MEMO1: variants seen among roughly 807,000 people sequenced by gnomAD.
MEMO1 encodes mediator of cell motility 1, also known as protein MEMO1.
In MEMO1, 6 loss-of-function variants were observed where a neutral mutation model predicts 45.2. The observed-to-expected ratio is 0.13, with a 90% CI of 0.07 to 0.26. MEMO1 has a LOEUF of 0.26. Ranked by LOEUF, MEMO1 falls within the 10% of genes least tolerant of loss-of-function variation. MEMO1 has a pLI of 1.00. For synonymous variants in MEMO1, 78 were observed against 124.3 expected, an observed-to-expected ratio of 0.63 and a Z score of 2.48; for missense variants, 184 against 370.5, an observed-to-expected ratio of 0.50 and a Z score of 4.13.
chr2:31,977,013 A>G (rs1670079165), intron 2 of MEMO1, among the ~76,000 whole-genome samples: 1 of 152,190 alleles, frequency 6.6e-6, no homozygotes, highest in Admixed American at 6.6e-5. Flanking sequence ...TAAATAAAAC[A>G]AGGTAGGATA....
At chr2:31,977,177 C>A (rs1670101423) in intron 2 of MEMO1, among the ~76,000 whole-genome samples, 1 of 152,008 alleles carries the variant, frequency 6.6e-6, no homozygotes, top group Non-Finnish European at 1.5e-5. Context: ...GTGGATATGA[C>A]AAATTCAGTT....
chr2:31,890,076 G>C (rs1460755178), intron 7 of MEMO1, among the ~76,000 whole-genome samples: 1 of 152,088 alleles, frequency 6.6e-6, no homozygotes, highest in Non-Finnish European at 1.5e-5. Flanking sequence ...AGCCACTGTA[G>C]TTACATATAG....
Position 31,893,756 on chromosome 2 carries a change from C to T in MEMO1, c.438-1622G>A, listed in dbSNP as rs115639157. 6.1e-3 allele frequency among the ~76,000 whole-genome samples: 921 copies of T among 152,210 alleles called. 12 individuals are homozygous for T. Among genetic ancestry groups the T allele is most frequent in the African/African-American group, 0.021 (861 of 41,544 alleles). On this transcript the variant is annotated intron_variant, in intron 6 of 9. Coordinates refer to ENST00000404530, the MANE Select transcript of MEMO1 (RefSeq NM_001301833.4). ...GAAGAACACTATAGGAAAGGTACTT[C>T]GTCACAAGAGTTGGCTCACTCTGAA...
chr2:31,982,658 G>A lies in MEMO1; in HGVS notation c.61+27529C>T, dbSNP rs552218465. 7.3e-5 allele frequency among the ~76,000 whole-genome samples: 11 copies of A among 150,692 alleles called. No homozygotes were observed. The South Asian group carries it at 2.3e-3, about 32-fold the overall frequency. ...CCAAAGTTACTTAACTTTGGGAAAT[G>A]ATGCTTTGATTAGAAATTGTAACGC... On this transcript the variant is annotated intron_variant, in intron 2 of 9. Coordinates refer to ENST00000404530, the MANE Select transcript of MEMO1 (RefSeq NM_001301833.4).
chr2:31,983,254 C>G (rs1420716104), intron 2 of MEMO1, among the ~76,000 whole-genome samples: 1 of 152,010 alleles, frequency 6.6e-6, no homozygotes, highest in South Asian at 2.1e-4. Flanking sequence ...GAGCAAGACT[C>G]TGCCTAAAAA....
intron 1 of MEMO1, 26 bp from the exon 2 acceptor site, chr2:32,010,290 A>C (rs1053048300): frequency 6.6e-5 from 89 of 1,345,970 alleles, no homozygotes; most frequent in African/African-American, 2.9e-4. Flanking sequence ...ATGAATGAGG[A>C]GGCGGCGGCG....
At chr2:31,981,546 C>T (rs1436903084) in intron 2 of MEMO1, among the ~76,000 whole-genome samples, 1 of 152,150 alleles carries the variant, frequency 6.6e-6, no homozygotes, top group Non-Finnish European at 1.5e-5. Context: ...ATTTATTAAT[C>T]CTATATTCAA....
chr2:31,948,316 T>C (rs945614279), intron 2 of MEMO1, among the ~76,000 whole-genome samples: 1 of 152,230 alleles, frequency 6.6e-6, no homozygotes, highest in Admixed American at 6.5e-5. Context: ...ATTTAAAGAA[T>C]GACCAACTGC....
At chr2:31,998,288 C>CA (rs1307619911) in intron 2 of MEMO1, among the ~76,000 whole-genome samples, 3 of 151,598 alleles carry the variant, frequency 2.0e-5, no homozygotes, top group Non-Finnish European at 4.4e-5. Context: ...GCTGGGATTA[C>CA]AGGCATGAGC....
At chr2:31,878,813 G>A (rs113004434) in intron 8 of MEMO1, among the ~76,000 whole-genome samples, 2 of 1,792 alleles carry the variant, frequency 1.1e-3, no homozygotes, top group Admixed American at 7.5e-3. Context: ...TTTTAATGAC[G>A]GGAAAATTTA....
At chr2:31,932,701 C>G (rs1247758527) in intron 3 of MEMO1, among the ~76,000 whole-genome samples, 2 of 152,136 alleles carry the variant, frequency 1.3e-5, no homozygotes, top group Admixed American at 6.5e-5. Flanking sequence ...TCAAAAAGCA[C>G]TGCAATTACA....
intron 6 of MEMO1, among the ~76,000 whole-genome samples, chr2:31,914,239 T>TATAGA (rs748374526): frequency 6.6e-6 from 1 of 152,182 alleles, no homozygotes; most frequent in Non-Finnish European, 1.5e-5. Context: ...CCCTACCAAA[T>TATAGA]TTCCAAACTA....
intron 4 of MEMO1, among the ~76,000 whole-genome samples, chr2:31,926,501 T>C (rs1256657395): frequency 6.6e-6 from 1 of 152,168 alleles, no homozygotes; most frequent in African/African-American, 2.4e-5. Flanking sequence ...GTAAGCTTGA[T>C]AGCCTCCAAA....
intron 4 of MEMO1, among the ~76,000 whole-genome samples, chr2:31,929,356 A>G (rs531207300): frequency 6.6e-6 from 1 of 151,948 alleles, no homozygotes; most frequent in South Asian, 2.1e-4. Context: ...CATCGCTTCC[A>G]CTGGTTACAT....
rs1679109462 is a variant in MEMO1 at position 31,903,088 on chromosome 2, TTAAA to T, written c.438-10958_438-10955del. ...TTAACAAATTTATGAAATATACAAA[TTAAA>T]TATTTACATATTTATGAAATATACA... On this transcript the variant is annotated intron_variant, in intron 6 of 9. Coordinates refer to ENST00000404530, the MANE Select transcript of MEMO1 (RefSeq NM_001301833.4). Among the ~76,000 whole-genome samples the T allele has an allele frequency of 5.9e-5, 9 of 152,280 alleles. No individual in the cohort carries two copies. In the South Asian group the frequency reaches 1.7e-3, roughly 28 times the overall value.
At chr2:31,950,091 T>C (rs758616716) in intron 2 of MEMO1, among the ~76,000 whole-genome samples, 1 of 152,174 alleles carries the variant, frequency 6.6e-6, no homozygotes, top group Non-Finnish European at 1.5e-5. Flanking sequence ...TGTTCAGACA[T>C]ATATTATTGC....
chr2:31,975,844 G>T lies in MEMO1; in HGVS notation c.62-32461C>A, dbSNP rs563944733. ...TCTCTTCAAGTGGCCCATAAATTAT[G>T]AATATGAAATTTTAATTCCAACTAA... On this transcript the variant is annotated intron_variant, in intron 2 of 9. Transcript: ENST00000404530. Among the ~76,000 whole-genome samples, 4 of 152,180 alleles carry T rather than the reference G, an allele frequency of 2.6e-5. 1 individual carries two copies. In the South Asian group the frequency reaches 8.3e-4, roughly 32 times the overall value.
chr2:31,940,049 A>G (rs1665423356), intron 3 of MEMO1, among the ~76,000 whole-genome samples: 1 of 152,012 alleles, frequency 6.6e-6, no homozygotes, highest in Non-Finnish European at 1.5e-5. Context: ...TTTTCCCCCG[A>G]CACATTTTTC....
At chr2:31,986,478 A>AAAT (rs914949889) in intron 2 of MEMO1, among the ~76,000 whole-genome samples, 3 of 152,136 alleles carry the variant, frequency 2.0e-5, no homozygotes, top group Non-Finnish European at 2.9e-5. Context: ...TCTCAAAAAA[A>AAAT]AATAATAATA....
Sources: gnomAD v4.1 joint callset for allele counts (sites outside exome capture counted in the v4.1 genomes callset) on GRCh38, gnomAD v4.1.1 for gene constraint, MANE v1.5 for transcripts, NCBI Gene and HGNC (gene_info 2026-07-23, HGNC 2026-07-21) for gene names.